The following ACOT7 variants were observed in gnomAD, a reference collection of about 807,000 sequenced individuals.
The protein encoded by ACOT7 is cytosolic acyl coenzyme A thioester hydrolase.
Under a neutral mutation model 40.2 loss-of-function variants are expected in ACOT7, and 12 were observed. That is an observed-to-expected ratio of 0.30 (90% CI 0.19 to 0.48). The LOEUF (loss-of-function observed/expected upper bound fraction) is 0.48, where lower values mean the gene tolerates loss of function less well. Ranked by LOEUF, ACOT7 falls within the 20% of genes least tolerant of loss-of-function variation. The probability of loss-of-function intolerance (pLI) is 0.99; values close to 1 mark genes in which losing one functional copy is unlikely to be tolerated. For missense variants in ACOT7, 395 were observed against 530.8 expected (o/e 0.74, Z 2.51); for synonymous variants, 228 against 219.5 (o/e 1.04, Z -0.34).
At chr1:6,372,484 C>A (rs540270947) in intron 1 of ACOT7, among the ~76,000 whole-genome samples, 1 of 151,982 alleles carries the variant, frequency 6.6e-6, no homozygotes, top group South Asian at 2.1e-4. Flanking sequence ...GTTTGGCACA[C>A]GAGGCCTAGC....
At chr1:6,293,238 C>T (rs1196521864) in intron 7 of ACOT7, among the ~76,000 whole-genome samples, 1 of 152,194 alleles carries the variant, frequency 6.6e-6, no homozygotes, top group Admixed American at 6.5e-5. Flanking sequence ...TCAGGGACAA[C>T]TGAGCACGGC....
At chr1:6,369,201 G>T (rs144816127) in intron 1 of ACOT7, among the ~76,000 whole-genome samples, 5 of 151,708 alleles carry the variant, frequency 3.3e-5, no homozygotes, top group Non-Finnish European at 5.9e-5. Context: ...GGCTGGTCTC[G>T]AACACCTGAC....
At chr1:6,379,672 G>A (rs61783385) in intron 1 of ACOT7, among the ~76,000 whole-genome samples, 8,500 of 151,574 alleles carry the variant, frequency 0.056, 390 homozygotes, top group East Asian at 0.12. Context: ...ATGTTGCTCA[G>A]GCTGGTCTTG....
chr1:6,314,246 G>A (rs1375978406), intron 6 of ACOT7, among the ~76,000 whole-genome samples: 1 of 152,104 alleles, frequency 6.6e-6, no homozygotes, highest in Admixed American at 6.5e-5. Context: ...TGAAACTTAC[G>A]CATCAAGGGA....
Position 6,278,886 on chromosome 1 carries a change from G to T in ACOT7, c.1014+2216C>A, listed in dbSNP as rs1639275919. 1.3e-5 allele frequency among the ~76,000 whole-genome samples: 2 copies of T among 152,198 alleles called. No individual in the cohort carries two copies. The highest frequency in any genetic ancestry group is 4.8e-5 in the African/African-American group (2 of 41,436). On this transcript the variant is annotated intron_variant, in intron 8 of 8. Transcript: ENST00000361521. The surrounding 1 kb of genome is among the most constrained non-coding windows in gnomAD (Gnocchi z 4.1). Reference sequence around the variant, plus strand: ...CGGACAGCAGACAGGGCGTGTCCTTGCGTCTGTCCATGCTGCCCGCAGAGG... The same window carrying T: ...CGGACAGCAGACAGGGCGTGTCCTTTCGTCTGTCCATGCTGCCCGCAGAGG...
At chr1:6,343,986 G>A (rs539367763) in intron 2 of ACOT7, among the ~76,000 whole-genome samples, 1 of 152,338 alleles carries the variant, frequency 6.6e-6, no homozygotes, top group South Asian at 2.1e-4. Flanking sequence ...CGCCACGATG[G>A]GGACAGCCCA....
At chr1:6,276,234 T>A (rs1273736355) in intron 8 of ACOT7, among the ~76,000 whole-genome samples, 2 of 151,900 alleles carry the variant, frequency 1.3e-5, no homozygotes, top group Non-Finnish European at 2.9e-5. Flanking sequence ...AGGGACGTCC[T>A]CCGCTTCAGC....
chr1:6,380,278 T>C (rs1642309953), intron 1 of ACOT7, among the ~76,000 whole-genome samples: 1 of 151,454 alleles, frequency 6.6e-6, no homozygotes. Flanking sequence ...ATGATATATA[T>C]GGTCAAATGA....
intron 1 of ACOT7, among the ~76,000 whole-genome samples, chr1:6,363,832 ATC>A (rs779628805): frequency 6.6e-5 from 10 of 152,078 alleles, no homozygotes; most frequent in African/African-American, 1.4e-4. Context: ...GCTGTCTTTT[ATC>A]TCTTTGTCTT....
At chr1:6,347,004 G>A (rs543703443) in intron 2 of ACOT7, among the ~76,000 whole-genome samples, 2 of 152,136 alleles carry the variant, frequency 1.3e-5, no homozygotes, top group Non-Finnish European at 2.9e-5. Context: ...GCACATCAAG[G>A]CCAAGCAGGC....
At chr1:6,268,350 A>G (rs945119904) in intron 8 of ACOT7, among the ~76,000 whole-genome samples, 1 of 152,236 alleles carries the variant, frequency 6.6e-6, no homozygotes, top group Non-Finnish European at 1.5e-5. Context: ...ATAACTACAC[A>G]GGAATTCTTT....
In ACOT7 at chr1:6,359,021, C is replaced by T. The variant is rs1405198355; in HGVS notation, c.144-9155G>A. ...CAATCTGGCCAGGAAGAGGCTGCCT[C>T]GCCAATCCAGAGCGTCTACCAGAAA... On this transcript the variant is annotated intron_variant, in intron 1 of 8. Coordinates refer to ENST00000361521, the MANE Select transcript of ACOT7 (RefSeq NM_007274.4). The surrounding 1 kb of genome is among the most constrained non-coding windows in gnomAD (Gnocchi z 4.1). 2.9e-5 allele frequency: 31 copies of T among 1,062,036 alleles called. No individual in the cohort carries two copies. The South Asian group carries it at 5.5e-4, about 19-fold the overall frequency. 65.8% of individuals were successfully genotyped at this position (1,062,036 alleles called of 1,614,324 possible). A position where few individuals can be genotyped will look rare whatever the true frequency, so the allele number is the denominator to read the frequency against.
chr1:6,348,925 C>A lies in ACOT7; in HGVS notation c.261+824G>T, dbSNP rs556208601. ...CCATGGTGGGGACCTGCACCTCACA[C>A]TCCCACTCTCCAAGCTGGGGCTGAG... On this transcript the variant is annotated intron_variant, in intron 2 of 8. Coordinates refer to ENST00000361521, the MANE Select transcript of ACOT7 (RefSeq NM_007274.4). 1.3e-3 allele frequency among the ~76,000 whole-genome samples: 204 copies of A among 152,300 alleles called. 10 individuals carry two copies. In the South Asian group the frequency reaches 0.037, roughly 28 times the overall value.
rs1642567516 is a variant in ACOT7 at position 6,393,346 on chromosome 1, G to T, written c.54C>A (p.Ala18=). 8.0e-7 allele frequency: 1 copy of T among 1,252,202 alleles called. No individual in the cohort carries two copies. The highest frequency in any genetic ancestry group is 1.0e-6 in the Non-Finnish European group (1 of 997,876). 77.6% of individuals were successfully genotyped at this position (1,252,202 alleles called of 1,614,324 possible). A position where few individuals can be genotyped will look rare whatever the true frequency, so the allele number is the denominator to read the frequency against. The change falls in exon 1 of 9, where the codon GCC becomes GCA. Residue 18 remains alanine, a synonymous_variant. Transcript: ENST00000361521. ...HSAPGLPDTC[A]LLQPPAASAA... is the part of the protein sequence containing the mutation. The stretch of plus-strand genomic sequence containing the variant: ...CGGATGCGGCGGGCGGCTGCAGAAG[G>T]GCGCAGGTGTCTGGCAGGCCCGGCG...
chr1:6,328,036 T>G (rs1338833416), intron 4 of ACOT7, among the ~76,000 whole-genome samples: 1 of 152,112 alleles, frequency 6.6e-6, no homozygotes, highest in Non-Finnish European at 1.5e-5. Flanking sequence ...CCTCCCAAAG[T>G]GCTGGGATTA....
chr1:6,291,375 A>G lies in ACOT7; in HGVS notation c.829+3489T>C, dbSNP rs1195237953. Among the ~76,000 whole-genome samples, 3 of 151,908 alleles carry G rather than the reference A, an allele frequency of 2.0e-5. No individual in the cohort carries two copies. The East Asian group carries it at 5.8e-4, about 29-fold the overall frequency. ...GAGTGACGCAGCCACAAGCCAAGAA[A>G]CGTCAAGGAACAGCTGCTGCTCCCA... is the stretch of plus-strand genomic sequence containing the variant. On this transcript the variant is annotated intron_variant, in intron 7 of 8. Transcript: ENST00000361521.
At chr1:6,380,696 T>C (rs1571355079) in intron 1 of ACOT7, among the ~76,000 whole-genome samples, 1 of 147,776 alleles carries the variant, frequency 6.8e-6, no homozygotes, top group East Asian at 1.9e-4. Context: ...AGTTGCACCT[T>C]TACCTAATAG....
intron 1 of ACOT7, among the ~76,000 whole-genome samples, chr1:6,375,819 T>C (rs1302234316): frequency 6.6e-6 from 1 of 151,252 alleles, no homozygotes; most frequent in Non-Finnish European, 1.5e-5. Context: ...GCACCTGTAG[T>C]CCCAGCTGCT....
intron 1 of ACOT7, among the ~76,000 whole-genome samples, chr1:6,380,322 G>A (rs979275968): frequency 1.3e-5 from 2 of 151,384 alleles, no homozygotes; most frequent in African/African-American, 2.4e-5. Context: ...CCTTTCGGCC[G>A]GGTGTGGTGG....
Sources: gnomAD v4.1 joint callset for allele counts (sites outside exome capture counted in the v4.1 genomes callset) on GRCh38, gnomAD v4.1.1 for gene constraint, Gnocchi (gnomAD v3.1) non-coding constraint, MANE v1.5 for transcripts, NCBI Gene and HGNC (gene_info 2026-07-23, HGNC 2026-07-21) for gene names.